RIT2: variants seen among roughly 807,000 people sequenced by gnomAD.
RIT2 encodes the protein Ras like without CAAX 2.
RIT2 carries 24 observed loss-of-function variants against 23.7 expected under a neutral mutation model. The observed-to-expected ratio is 1.01, with a 90% CI of 0.73 to 1.43. The LOEUF (loss-of-function observed/expected upper bound fraction) is 1.43, where lower values mean the gene tolerates loss of function less well. Among genes scored for constraint, RIT2 ranks in the 40% most tolerant of loss-of-function variants. The pLI is 0.00. For synonymous variants in RIT2, 107 were observed against 91.1 expected (o/e 1.17, Z -0.99); for missense variants, 236 against 266.9 (o/e 0.88, Z 0.81).
chr18:42,939,793 C>A lies in RIT2; in HGVS notation c.235-16030G>T, dbSNP rs187105742. Reference sequence around the variant, plus strand: ...CATTATTGCTAGAGAACAATATAATCTTTGATAGCTCTTGGCACATCATAT... The same window carrying A: ...CATTATTGCTAGAGAACAATATAATATTTGATAGCTCTTGGCACATCATAT... On this transcript the variant is annotated intron_variant, in intron 3 of 4. Coordinates refer to ENST00000326695, the MANE Select transcript of RIT2 (RefSeq NM_002930.4). 4.6e-5 allele frequency among the ~76,000 whole-genome samples: 7 copies of A among 152,126 alleles called. No individual in the cohort carries two copies. In the East Asian group the frequency reaches 1.4e-3, roughly 29 times the overall value.
intron 2 of RIT2, among the ~76,000 whole-genome samples, chr18:43,032,563 G>T (rs1911881173): frequency 6.6e-6 from 1 of 151,990 alleles, no homozygotes; most frequent in Admixed American, 6.6e-5. Flanking sequence ...TTAGAAAATG[G>T]ACTTAGAGAA....
chr18:42,940,434 T>A (rs1001938210), intron 3 of RIT2, among the ~76,000 whole-genome samples: 1 of 150,780 alleles, frequency 6.6e-6, no homozygotes, highest in Non-Finnish European at 1.5e-5. Context: ...CACACACACA[T>A]TACACACCCT....
chr18:42,860,991 C>A (rs539587311), intron 4 of RIT2, among the ~76,000 whole-genome samples: 20 of 152,312 alleles, frequency 1.3e-4, no homozygotes, highest in African/African-American at 4.8e-4. Context: ...TTCTGTATCA[C>A]ACATTAATTT....
intron 4 of RIT2, among the ~76,000 whole-genome samples, chr18:42,891,025 G>A (rs8094374): frequency 0.022 from 3,296 of 152,202 alleles, 107 homozygotes; most frequent in African/African-American, 0.073. Context: ...TGAGGAGGTT[G>A]AATCCTCCAA....
intron 4 of RIT2, among the ~76,000 whole-genome samples, chr18:42,907,419 C>T (rs570395813): frequency 6.8e-6 from 1 of 147,626 alleles, no homozygotes; most frequent in East Asian, 3.1e-4. Flanking sequence ...ACTCTGTAGA[C>T]TGTTGAAGGG....
At chr18:43,099,210 C>G (rs1011131501) in intron 1 of RIT2, among the ~76,000 whole-genome samples, 27 of 152,062 alleles carry the variant, frequency 1.8e-4, no homozygotes, top group Admixed American at 1.3e-3. Flanking sequence ...ATGACTCTAG[C>G]ATCCAGAATG....
At chr18:42,937,188 A>C (rs1909481904) in intron 3 of RIT2, among the ~76,000 whole-genome samples, 1 of 152,154 alleles carries the variant, frequency 6.6e-6, no homozygotes, top group Non-Finnish European at 1.5e-5. Context: ...ATGTGTGAAA[A>C]ATGCCTTCCT....
intron 3 of RIT2, among the ~76,000 whole-genome samples, chr18:42,972,803 G>A (rs996316152): frequency 1.3e-5 from 2 of 151,894 alleles, no homozygotes; most frequent in Admixed American, 6.6e-5. Flanking sequence ...TAAACAGGAT[G>A]TGTATGTGAA....
At chr18:42,991,414 C>G (rs1308908144) in intron 2 of RIT2, among the ~76,000 whole-genome samples, 2 of 152,188 alleles carry the variant, frequency 1.3e-5, no homozygotes, top group Non-Finnish European at 2.9e-5. Flanking sequence ...GAAGTGTACT[C>G]TCAAAATTCA....
In RIT2 at chr18:42,896,150, G is replaced by T. The variant is rs518998; in HGVS notation, c.426+27422C>A. ...GTGGTGGCAAGCGCCTGTAATCCCA[G>T]CTACTGGGGAGGCTGAGGCAAGAGA... On this transcript the variant is annotated intron_variant, in intron 4 of 4. Coordinates refer to ENST00000326695, the MANE Select transcript of RIT2 (RefSeq NM_002930.4). Among the ~76,000 whole-genome samples, 250 of 152,326 alleles carry T rather than the reference G, an allele frequency of 1.6e-3. 2 individuals carry two copies. The highest frequency in any genetic ancestry group is 5.6e-3 in the African/African-American group (234 of 41,562).
At chr18:42,846,153 T>C (rs541593004) in intron 4 of RIT2, among the ~76,000 whole-genome samples, 2 of 152,066 alleles carry the variant, frequency 1.3e-5, no homozygotes, top group East Asian at 1.9e-4. Flanking sequence ...AAAAGAGAGA[T>C]AGCAGAGAGT....
intron 3 of RIT2, among the ~76,000 whole-genome samples, chr18:42,932,167 G>A (rs993522300): frequency 4.6e-5 from 7 of 152,144 alleles, no homozygotes; most frequent in Admixed American, 1.3e-4. Context: ...GGTCATTGGA[G>A]CAGATGTTTG....
chr18:43,015,379 G>T (rs903779819), intron 2 of RIT2, among the ~76,000 whole-genome samples: 2 of 151,624 alleles, frequency 1.3e-5, no homozygotes, highest in Admixed American at 1.3e-4. Flanking sequence ...AATTTGGATA[G>T]GCATGAGATC....
In RIT2 at chr18:43,099,405, A is replaced by G. The variant is rs144960740; in HGVS notation, c.103+16012T>C. On this transcript the variant is annotated intron_variant, in intron 1 of 4. Transcript: ENST00000326695. ...TAAGTAACGTAAGTTTGCATTTTTAATCTTGTATATATTAATGTATTTCTT... is the reference window on the plus strand; with the variant it reads ...TAAGTAACGTAAGTTTGCATTTTTAGTCTTGTATATATTAATGTATTTCTT... Among the ~76,000 whole-genome samples the G allele has an allele frequency of 3.5e-3, 528 of 152,180 alleles. 3 individuals carry two copies. The highest frequency in any genetic ancestry group is 0.011 in the African/African-American group (446 of 41,540).
intron 4 of RIT2, among the ~76,000 whole-genome samples, chr18:42,762,036 C>T (rs952276801): frequency 6.6e-6 from 1 of 152,112 alleles, no homozygotes; most frequent in Admixed American, 6.5e-5. Context: ...AGAGATACTG[C>T]CAGAAATAAG....
At chr18:43,010,239 G>T (rs551434366) in intron 2 of RIT2, among the ~76,000 whole-genome samples, 2 of 151,730 alleles carry the variant, frequency 1.3e-5, no homozygotes, top group Admixed American at 1.3e-4. Flanking sequence ...ATAATGAGCC[G>T]TTTTTGTCAA....
chr18:43,078,732 T>C (rs1258375214), intron 1 of RIT2, among the ~76,000 whole-genome samples: 1 of 152,212 alleles, frequency 6.6e-6, no homozygotes, highest in African/African-American at 2.4e-5. Context: ...GCCTCAGATA[T>C]GGAGCTTTGG....
intron 1 of RIT2, among the ~76,000 whole-genome samples, chr18:43,043,416 C>T (rs1912174045): frequency 6.6e-6 from 1 of 152,106 alleles, no homozygotes; most frequent in Admixed American, 6.6e-5. Context: ...CACACATGTA[C>T]ACTAAATGTT....
chr18:43,007,810 G>A (rs756619710), intron 2 of RIT2, among the ~76,000 whole-genome samples: 15 of 151,656 alleles, frequency 9.9e-5, no homozygotes, highest in Non-Finnish European at 1.8e-4. Context: ...AAAGACTCAA[G>A]CAATTAATTA....
Sources: gnomAD v4.1 joint callset for allele counts (sites outside exome capture counted in the v4.1 genomes callset) on GRCh38, gnomAD v4.1.1 for gene constraint, MANE v1.5 for transcripts, NCBI Gene and HGNC (gene_info 2026-07-23, HGNC 2026-07-21) for gene names.